NFIA: variants seen among roughly 807,000 people sequenced by gnomAD.
NFIA encodes nuclear factor I A.
A neutral mutation model predicts 62.8 loss-of-function variants in NFIA; 8 were observed. That is an observed-to-expected ratio of 0.13 (90% confidence interval 0.07 to 0.23). The LOEUF is 0.23. Ranked by LOEUF, NFIA falls within the 10% of genes least tolerant of loss-of-function variation. The pLI, the probability that NFIA is intolerant of heterozygous loss-of-function variation, is 1.00. For synonymous variants in NFIA, 235 were observed against 238.1 expected (o/e 0.99, Z 0.12); for missense variants, 410 against 642.1 (o/e 0.64, Z 3.91).
chr1:61,111,433 T>A (rs1646692293), intron 2 of NFIA, among the ~76,000 whole-genome samples: 1 of 152,150 alleles, frequency 6.6e-6, no homozygotes, highest in South Asian at 2.1e-4. Flanking sequence ...GAAATCTGCT[T>A]ATACTTTGCT....
chr1:61,267,371 G>C (rs542771348), intron 2 of NFIA, among the ~76,000 whole-genome samples: 1 of 150,428 alleles, frequency 6.6e-6, no homozygotes, highest in Non-Finnish European at 1.5e-5. Context: ...TTAGCTGGGC[G>C]TGGTGGCAGC....
intron 2 of NFIA, among the ~76,000 whole-genome samples, chr1:61,271,896 A>T (rs1657529110): frequency 6.6e-6 from 1 of 152,244 alleles, no homozygotes; most frequent in Admixed American, 6.5e-5. Flanking sequence ...AAAGAACCAC[A>T]GAGTGTTTCC....
chr1:61,081,250 T>C (rs1319359078), upstream of NFIA, among the ~76,000 whole-genome samples: 2 of 149,766 alleles, frequency 1.3e-5, no homozygotes, highest in South Asian at 4.3e-4. Context: ...AGAGAAAATA[T>C]GAGGTTAAAA....
chr1:61,082,030 C>T (rs1458347123), upstream of NFIA: 1 of 1,548,964 alleles, frequency 6.5e-7, no homozygotes, highest in Non-Finnish European at 8.7e-7. Flanking sequence ...GGCAAAGTTG[C>T]CCAAGTCCTC....
chr1:61,184,204 T>C (rs1557620865), intron 2 of NFIA, among the ~76,000 whole-genome samples: 1 of 150,464 alleles, frequency 6.6e-6, no homozygotes, highest in Non-Finnish European at 1.5e-5. Context: ...AGAATGGGAC[T>C]CGGCTTGCTT....
At chr1:61,163,614 G>A (rs181741298) in intron 2 of NFIA, among the ~76,000 whole-genome samples, 21 of 152,214 alleles carry the variant, frequency 1.4e-4, no homozygotes, top group East Asian at 1.2e-3. Flanking sequence ...CTATGGAAGC[G>A]AAATTGGTGT....
chr1:61,298,651 A>G (rs879319234), intron 3 of NFIA, among the ~76,000 whole-genome samples: 4 of 152,122 alleles, frequency 2.6e-5, no homozygotes, highest in Admixed American at 2.0e-4. Flanking sequence ...TTTCTCTCTG[A>G]GCCTTGGTTT....
intron 4 of NFIA, among the ~76,000 whole-genome samples, chr1:61,351,531 T>C (rs1662549421): frequency 6.6e-6 from 1 of 152,182 alleles, no homozygotes; most frequent in South Asian, 2.1e-4. Context: ...AAAAGATTAT[T>C]TGCACTAATA....
intron 2 of NFIA, among the ~76,000 whole-genome samples, chr1:61,207,446 A>G (rs1023433676): frequency 6.6e-6 from 1 of 152,076 alleles, no homozygotes; most frequent in Non-Finnish European, 1.5e-5. Flanking sequence ...GTTTTATCTC[A>G]GATAATTTGC....
chr1:61,157,161 C>T (rs397775904), intron 2 of NFIA, among the ~76,000 whole-genome samples: 1 of 152,188 alleles, frequency 6.6e-6, no homozygotes, highest in Non-Finnish European at 1.5e-5. Context: ...AATAAACAAA[C>T]ACTGTTTTTG....
At chr1:61,365,590 G>T (rs924577682) in intron 6 of NFIA, among the ~76,000 whole-genome samples, 1 of 152,118 alleles carries the variant, frequency 6.6e-6, no homozygotes, top group South Asian at 2.1e-4. Flanking sequence ...GGAATGGCTG[G>T]TCTTCTAATC....
At chr1:61,209,707 C>G (rs1653124429) in intron 2 of NFIA, among the ~76,000 whole-genome samples, 1 of 149,516 alleles carries the variant, frequency 6.7e-6, no homozygotes, top group Non-Finnish European at 1.5e-5. Context: ...AACAAATTAG[C>G]CAGGAATGGT....
At chr1:61,360,319 A>G (rs1282551316) in intron 6 of NFIA, among the ~76,000 whole-genome samples, 2 of 152,236 alleles carry the variant, frequency 1.3e-5, no homozygotes, top group Non-Finnish European at 2.9e-5. Context: ...TCCAATGGGT[A>G]TAAAGGATAG....
At chr1:61,409,330 G>C (rs935089840) in intron 9 of NFIA, among the ~76,000 whole-genome samples, 3 of 152,162 alleles carry the variant, frequency 2.0e-5, no homozygotes, top group African/African-American at 7.2e-5. Flanking sequence ...TCAGCTAAAG[G>C]CTTTTCTAGG....
intron 1 of NFIA, among the ~76,000 whole-genome samples, chr1:61,086,730 T>C (rs1056354542): frequency 6.6e-6 from 1 of 152,180 alleles, no homozygotes; most frequent in Non-Finnish European, 1.5e-5. Context: ...AACACGACTA[T>C]TAAATATTTT....
intron 2 of NFIA, among the ~76,000 whole-genome samples, chr1:61,114,719 A>C (rs1045982526): frequency 1.3e-5 from 2 of 152,120 alleles, no homozygotes; most frequent in African/African-American, 4.8e-5. Flanking sequence ...TTTATCATTG[A>C]TAAGTTTGGA....
intron 3 of NFIA, among the ~76,000 whole-genome samples, chr1:61,293,010 T>TA (rs1658986092): frequency 6.6e-6 from 1 of 152,206 alleles, no homozygotes; most frequent in African/African-American, 2.4e-5. Flanking sequence ...CTGTAGAAAT[T>TA]ATGTGTACAG....
intron 2 of NFIA, among the ~76,000 whole-genome samples, chr1:61,263,106 C>T (rs1484234818): frequency 1.3e-5 from 2 of 152,116 alleles, no homozygotes; most frequent in Non-Finnish European, 2.9e-5. Context: ...CTTTCTTTTT[C>T]CTTTTCCAAC....
chr1:61,406,351 T>G (rs781211296), intron 8 of NFIA, among the ~76,000 whole-genome samples: 5 of 152,176 alleles, frequency 3.3e-5, no homozygotes, highest in Non-Finnish European at 7.3e-5. Flanking sequence ...GGAGCACATG[T>G]GGCTAAGAGT....
Sources: gnomAD v4.1 joint callset for allele counts (sites outside exome capture counted in the v4.1 genomes callset) on GRCh38, gnomAD v4.1.1 for gene constraint, MANE v1.5 for transcripts, NCBI Gene and HGNC (gene_info 2026-07-23, HGNC 2026-07-21) for gene names.